Variants in DCLRE1C observed in about 807,000 individuals in gnomAD.
DCLRE1C encodes the protein protein artemis.
In DCLRE1C, 47 loss-of-function variants were observed where a neutral mutation model predicts 61.4. The ratio of observed to expected loss-of-function variants is 0.77; its 90% CI spans 0.61 to 0.98. The LOEUF is 0.98. Among genes scored for constraint, DCLRE1C ranks in the 50% least tolerant of loss-of-function variants. The pLI is 0.00. For missense variants in DCLRE1C, 858 were observed against 816.0 expected (o/e 1.05, Z -0.63); for synonymous variants, 337 against 287.6 (o/e 1.17, Z -1.74).
At chr10:14,910,749 A>G (rs1835117965) in intron 13 of DCLRE1C, among the ~76,000 whole-genome samples, 1 of 151,130 alleles carries the variant, frequency 6.6e-6, no homozygotes, top group African/African-American at 2.5e-5. Context: ...AAAGGAAGAA[A>G]GGACTTTTGC....
intron 13 of DCLRE1C, chr10:14,899,585 A>G (rs2131714887): frequency 6.2e-7 from 1 of 1,614,208 alleles, no homozygotes; most frequent in East Asian, 2.2e-5. Context: ...TTCTATGACA[A>G]CAAGGGAATC....
At chr10:14,945,065 C>A in intron 3 of DCLRE1C, 40 bp downstream of exon 3, 1 of 1,487,454 alleles carries the variant, frequency 6.7e-7, no homozygotes, top group East Asian at 2.4e-5. Context: ...AAATACTTCC[C>A]ACTTAAAAAA....
rs559573876 is a variant in DCLRE1C at position 14,920,616 on chromosome 10, A to G, written c.1062-784T>C. ...TGTGTCTCTTTACATCATTTCAGCT[A>G]TTCTCCTGGGTTAACTTTTCAAAGT... On this transcript the variant is annotated intron_variant, in intron 12 of 13. Transcript: ENST00000378278. Among the ~76,000 whole-genome samples the G allele has an allele frequency of 2.1e-4, 32 of 152,246 alleles. No homozygotes were observed. In the South Asian group the frequency reaches 2.7e-3, roughly 13 times the overall value.
chr10:14,934,711 G>C lies in DCLRE1C; in HGVS notation c.529C>G (p.Pro177Ala), dbSNP rs1166702607. 2.5e-6 allele frequency: 4 copies of C among 1,613,798 alleles called. No individual in the cohort carries two copies. In the Admixed American group the frequency reaches 5.0e-5, roughly 20 times the overall value. The change falls in exon 7 of 14, where the codon CCA becomes GCA. Residue 177 changes from proline to alanine, a missense_variant. Coordinates refer to ENST00000378278, the MANE Select transcript of DCLRE1C (RefSeq NM_001033855.3). ...TFCDPRFYQI[P>A]SREECLSGVL... The stretch of plus-strand genomic sequence containing the variant: ...CCTCCAGGCAGACTTACCCGACTTG[G>C]AATTTGGTAAAATCTTGGATCACAG...
Position 14,907,537 on chromosome 10 carries a change from A to G in DCLRE1C, c.*871T>C, listed in dbSNP as rs975144158. ...TAATCCCTAGCTGTAATTGTGCATT[A>G]GTTTGTCTCTTTTCAGCTGTTCTAG... On this transcript the variant is annotated 3_prime_UTR_variant, in exon 14 of 14. Coordinates refer to ENST00000378278, the MANE Select transcript of DCLRE1C (RefSeq NM_001033855.3). Among the ~76,000 whole-genome samples the G allele has an allele frequency of 6.6e-6, 1 of 152,036 alleles. No homozygotes were observed. The highest frequency in any genetic ancestry group is 1.9e-4 in the East Asian group (1 of 5,182).
At chr10:14,931,462 G>T (rs750825883) in intron 9 of DCLRE1C, among the ~76,000 whole-genome samples, 7 of 152,148 alleles carry the variant, frequency 4.6e-5, no homozygotes, top group Non-Finnish European at 7.4e-5. Flanking sequence ...GGAGGCTGAG[G>T]CAAGAGAATC....
intron 12 of DCLRE1C, chr10:14,920,549 G>A (rs1365630584): frequency 3.2e-6 from 1 of 307,890 alleles, no homozygotes; most frequent in Non-Finnish European, 4.8e-6. Flanking sequence ...CTGTTCTCTG[G>A]ATCCATCCCC....
intron 13 of DCLRE1C, among the ~76,000 whole-genome samples, chr10:14,914,343 T>G (rs1835804820): frequency 6.6e-6 from 1 of 152,196 alleles, no homozygotes; most frequent in Non-Finnish European, 1.5e-5. Context: ...CTTAAACTTG[T>G]GTATACCTAT....
At chr10:14,945,541 C>T (rs778018076) in intron 2 of DCLRE1C, 122 of 1,098,144 alleles carry the variant, frequency 1.1e-4, no homozygotes, top group Non-Finnish European at 1.3e-4. Context: ...CTTGGAAATA[C>T]GCGCTTGTAT....
At chr10:14,897,503 G>T in exon 14 of DCLRE1C, 1 of 1,558,668 alleles carries the variant, frequency 6.4e-7, no homozygotes. Context: ...TTTTGTCATG[G>T]AATATGTTGG....
At chr10:14,953,839 C>A in intron 1 of DCLRE1C, 63 bp downstream of exon 1, 1 of 1,604,602 alleles carries the variant, frequency 6.2e-7, no homozygotes. Context: ...AGGGCCGGCC[C>A]CCTCCTGTCC....
At chr10:14,914,532 C>T (rs1020351375) in intron 13 of DCLRE1C, among the ~76,000 whole-genome samples, 1 of 152,196 alleles carries the variant, frequency 6.6e-6, no homozygotes. Context: ...ATTTATAGAA[C>T]ACTTCATCCA....
At chr10:14,931,886 T>C (rs1261396230) in intron 9 of DCLRE1C, among the ~76,000 whole-genome samples, 2 of 151,936 alleles carry the variant, frequency 1.3e-5, no homozygotes, top group African/African-American at 4.8e-5. Context: ...TTACAAAAAT[T>C]AGCCAAGCAT....
chr10:14,931,506 C>T (rs1181135893), intron 9 of DCLRE1C, among the ~76,000 whole-genome samples: 6 of 151,800 alleles, frequency 4.0e-5, no homozygotes, highest in Non-Finnish European at 7.4e-5. Context: ...TGCAGTGAGC[C>T]GAGATGGCAC....
intron 13 of DCLRE1C, among the ~76,000 whole-genome samples, chr10:14,916,904 C>T (rs911397478): frequency 7.2e-5 from 11 of 152,022 alleles, no homozygotes; most frequent in African/African-American, 1.9e-4. Flanking sequence ...TACAAATTGG[C>T]GTATGATTCT....
intron 4 of DCLRE1C, among the ~76,000 whole-genome samples, chr10:14,939,101 C>T (rs1165467371): frequency 3.1e-3 from 473 of 151,512 alleles, no homozygotes; most frequent in African/African-American, 0.011. Flanking sequence ...GCTTGTCTGC[C>T]CCTTTACTAT....
intron 1 of DCLRE1C, among the ~76,000 whole-genome samples, chr10:14,951,256 C>T (rs1842408907): frequency 6.6e-6 from 1 of 151,806 alleles, no homozygotes; most frequent in East Asian, 1.9e-4. Context: ...TGGTGCATGT[C>T]TGTAATCCCA....
exon 14 of DCLRE1C, chr10:14,897,780 A>G: frequency 4.2e-6 from 1 of 238,964 alleles, no homozygotes; most frequent in Non-Finnish European, 7.9e-6. Flanking sequence ...CAAACCTAGG[A>G]TTTGTAAAAT....
chr10:14,920,827 C>A (rs931873438), intron 12 of DCLRE1C, among the ~76,000 whole-genome samples: 64 of 152,018 alleles, frequency 4.2e-4, no homozygotes, highest in Non-Finnish European at 6.5e-4. Context: ...ATTAAAAATA[C>A]AAATATTAGC....
Sources: allele counts gnomAD v4.1 joint callset (sites outside exome capture counted in the v4.1 genomes callset), GRCh38; gene constraint gnomAD v4.1.1; transcripts MANE v1.5; gene names NCBI Gene and HGNC (gene_info 2026-07-23, HGNC 2026-07-21).